The following DRC8 variants were observed in gnomAD, a reference collection of about 807,000 sequenced individuals.
The protein encoded by DRC8 is dynein regulatory complex subunit 8.
the DRC8 span, among the ~76,000 whole-genome samples, chr1:245,035,512 A>G: frequency 2.0e-5 from 3 of 152,220 alleles, no homozygotes; most frequent in Non-Finnish European, 4.4e-5. Context: ...ATGACTGAAT[A>G]TCCACATGCA....
At chr1:244,986,835 C>T in the DRC8 span, among the ~76,000 whole-genome samples, 1 of 151,754 alleles carries the variant, frequency 6.6e-6, no homozygotes, top group South Asian at 2.1e-4. Flanking sequence ...TTGGATTAGA[C>T]AGCAGCGGAG....
the DRC8 span, among the ~76,000 whole-genome samples, chr1:244,973,151 A>G: frequency 2.0e-5 from 3 of 152,214 alleles, no homozygotes; most frequent in Admixed American, 2.0e-4. Flanking sequence ...TGATTTATTA[A>G]TTTAAATAAG....
At chr1:245,082,833 T>C in the DRC8 span, among the ~76,000 whole-genome samples, 1 of 151,970 alleles carries the variant, frequency 6.6e-6, no homozygotes, top group Non-Finnish European at 1.5e-5. Flanking sequence ...GCCTCCCGAG[T>C]AGCTGGGATT....
chr1:245,034,097 T>A, the DRC8 span, among the ~76,000 whole-genome samples: 2 of 152,214 alleles, frequency 1.3e-5, no homozygotes, highest in East Asian at 3.9e-4. Flanking sequence ...CTATCTGGAC[T>A]ATTAATGTCT....
chr1:244,972,180 C>T, the DRC8 span, among the ~76,000 whole-genome samples: 1 of 152,040 alleles, frequency 6.6e-6, no homozygotes, highest in Non-Finnish European at 1.5e-5. Flanking sequence ...ACAATTTTGT[C>T]GATAACTCAT....
chr1:245,093,370 CTT>C, the DRC8 span, among the ~76,000 whole-genome samples: 115 of 152,160 alleles, frequency 7.6e-4, no homozygotes, highest in African/African-American at 2.6e-3. Flanking sequence ...AGAAAACACT[CTT>C]AATCATTTGA....
At chr1:245,038,684 A>C in the DRC8 span, among the ~76,000 whole-genome samples, 2 of 146,506 alleles carry the variant, frequency 1.4e-5, no homozygotes, top group Non-Finnish European at 3.0e-5. Flanking sequence ...AGAAAAATAT[A>C]AAATTGGGTC....
chr1:245,106,664 A>C, the DRC8 span, among the ~76,000 whole-genome samples: 1 of 152,238 alleles, frequency 6.6e-6, no homozygotes, highest in Non-Finnish European at 1.5e-5. Flanking sequence ...TTTGTAAGCT[A>C]GGTAGAAAGT....
chr1:245,032,056 A>G, the DRC8 span, among the ~76,000 whole-genome samples: 1 of 152,208 alleles, frequency 6.6e-6, no homozygotes, highest in Admixed American at 6.5e-5. Flanking sequence ...AACTGTAGCA[A>G]TAGAGTTCAG....
At chr1:245,027,271 CTAT>C in the DRC8 span, among the ~76,000 whole-genome samples, 105,748 of 151,562 alleles carry the variant, frequency 0.7, 41,038 homozygotes, top group Non-Finnish European at 0.84. Flanking sequence ...TGTTAGACTA[CTAT>C]TATTCTAGAG....
At chr1:245,011,915 C>T in the DRC8 span, among the ~76,000 whole-genome samples, 94 of 152,172 alleles carry the variant, frequency 6.2e-4, no homozygotes, top group Non-Finnish European at 1.0e-3. Context: ...ATCACTGAAG[C>T]CTTTTATTGA....
the DRC8 span, among the ~76,000 whole-genome samples, chr1:244,986,623 A>T: frequency 2.0e-5 from 3 of 152,032 alleles, no homozygotes; most frequent in South Asian, 6.2e-4. Context: ...AGTCCCAGCT[A>T]CTTGGGAGGC....
chr1:245,045,381 C>CAGCAA, the DRC8 span, among the ~76,000 whole-genome samples: 7,122 of 152,082 alleles, frequency 0.047, 570 homozygotes, highest in African/African-American at 0.16. Context: ...ACAAAATGCC[C>CAGCAA]AGCAAAGCAA....
the DRC8 span, among the ~76,000 whole-genome samples, chr1:244,984,373 G>A: frequency 6.6e-6 from 1 of 152,116 alleles, no homozygotes; most frequent in Non-Finnish European, 1.5e-5. Flanking sequence ...TAGGAAACTA[G>A]ATATTTTGTT....
At chr1:245,119,927 C>T in the DRC8 span, among the ~76,000 whole-genome samples, 15 of 143,724 alleles carry the variant, frequency 1.0e-4, no homozygotes, top group East Asian at 4.1e-4. Context: ...AGCGAGACCC[C>T]GTCTCAAAAA....
chr1:245,009,638 T>C, the DRC8 span, among the ~76,000 whole-genome samples: 1 of 151,536 alleles, frequency 6.6e-6, no homozygotes, highest in East Asian at 2.0e-4. Context: ...CGGCTAATTT[T>C]TTGTACATTT....
At chr1:245,004,074 T>C in the DRC8 span, among the ~76,000 whole-genome samples, 1 of 152,026 alleles carries the variant, frequency 6.6e-6, no homozygotes, top group Admixed American at 6.6e-5. Context: ...CCTTCTTGGA[T>C]TGATTTTTTT....
the DRC8 span, among the ~76,000 whole-genome samples, chr1:245,117,884 G>C: frequency 6.6e-6 from 1 of 152,014 alleles, no homozygotes; most frequent in Non-Finnish European, 1.5e-5. Flanking sequence ...CATGAGACTT[G>C]CTTGAACCCA....
chr1:245,008,635 A>G, the DRC8 span, among the ~76,000 whole-genome samples: 1 of 151,388 alleles, frequency 6.6e-6, no homozygotes, highest in African/African-American at 2.4e-5. Flanking sequence ...GCCCCTACCT[A>G]TCTCAAAAAT....
Sources: gnomAD v4.1 joint callset for allele counts (sites outside exome capture counted in the v4.1 genomes callset) on GRCh38, gnomAD v4.1.1 for gene constraint, MANE v1.5 for transcripts, NCBI Gene and HGNC (gene_info 2026-07-23, HGNC 2026-07-21) for gene names.